GIMAP6: variants seen among roughly 807,000 people sequenced by gnomAD.
GIMAP6 encodes GTPase IMAP family member 6.
Under a neutral mutation model 9.3 loss-of-function variants are expected in GIMAP6, and 6 were observed. The ratio of observed to expected loss-of-function variants is 0.65; its 90% CI spans 0.35 to 1.27. The LOEUF (loss-of-function observed/expected upper bound fraction) is 1.27, where lower values mean the gene tolerates loss of function less well. Among genes scored for constraint, GIMAP6 ranks in the 50% most tolerant of loss-of-function variants. GIMAP6 has a pLI of 0.03. For synonymous variants in GIMAP6, 156 were observed against 151.1 expected (o/e 1.03, Z -0.24); for missense variants, 333 against 359.5 (o/e 0.93, Z 0.60).
chr7:150,630,096 T>C lies in GIMAP6; in HGVS notation c.47A>G (p.Glu16Gly). The change falls in exon 2 of 3, where the codon GAA (glutamate) becomes GGA (glycine). Residue 16 changes from glutamate (E) to glycine (G), a missense_variant. Transcript: ENST00000328902. Reference protein sequence around the residue: ...YEQIPQENPPEELSQDPVLEL... With the variant: ...YEQIPQENPPGELSQDPVLEL... ...CAGCACAGGATCCTGGGACAGCTCT[T>C]CTGGGGGATTCTCCTGGGGAATTTG... is the stretch of plus-strand genomic sequence containing the variant. 1 of 1,584,164 alleles carries C rather than the reference T, an allele frequency of 6.3e-7. No homozygotes were observed. Among genetic ancestry groups the C allele is most frequent in the Non-Finnish European group, 8.5e-7 (1 of 1,170,020 alleles).
rs755951622 is a variant in GIMAP6, at chr7:150,628,025, G to A, written c.573C>T (p.Thr191=). 1.5e-5 allele frequency: 24 copies of A among 1,614,126 alleles called. No individual in the cohort carries two copies. The South Asian group carries it at 2.5e-4, about 17-fold the overall frequency. ...TGAAGCCGCAATGGCGCCGTGCAAG[G>A]GTCACATCCAGCCAGGCAAGGGCCT... ...NNQALAWLDV[T]LARRHCGFNN... Residue 191 remains threonine, a synonymous_variant, in exon 3 of 3, where the codon ACC becomes ACT. Coordinates refer to ENST00000328902, the MANE Select transcript of GIMAP6 (RefSeq NM_024711.6).
At chr7:150,630,761 T>C (rs1176595997) in intron 1 of GIMAP6, among the ~76,000 whole-genome samples, 3 of 152,228 alleles carry the variant, frequency 2.0e-5, no homozygotes, top group Non-Finnish European at 4.4e-5. Flanking sequence ...GTTAGCTCTG[T>C]CTGGGCCTCA....
At chr7:150,628,769 A>G in intron 2 of GIMAP6, 1 of 1,431,832 alleles carries the variant, frequency 7.0e-7, no homozygotes, top group Non-Finnish European at 9.1e-7. Flanking sequence ...AAGAAACCCA[A>G]TACCAAGGTT....
In GIMAP6 at chr7:150,625,618, A is replaced by C. The variant is rs904952289; in HGVS notation, c.*2101T>G. On this transcript the variant is annotated 3_prime_UTR_variant, in exon 3 of 3. Transcript: ENST00000328902. ...TTCAAGTCTGTTCACTTAGAAATAA[A>C]ATGGCCTTAATTAACTTATACTTGA... 4 of 152,214 alleles carry C rather than the reference A, an allele frequency of 2.6e-5. No homozygotes were observed. The highest frequency in any genetic ancestry group is 9.6e-5 in the African/African-American group (4 of 41,454). 9.4% of individuals were successfully genotyped at this position (152,214 alleles called of 1,614,324 possible).
chr7:150,627,888 T>C lies in GIMAP6; in HGVS notation c.710A>G (p.Gln237Arg), dbSNP rs11977216. The change falls in exon 3 of 3, where the codon CAA becomes CGA. Residue 237 changes from glutamine to arginine, a missense_variant. Gln to Arg is a conservative substitution (Grantham distance 43, BLOSUM62 1). Coordinates refer to ENST00000328902, the MANE Select transcript of GIMAP6 (RefSeq NM_024711.6). ...EGDYYSNKAY[Q>R]YTQQNFRLKE... ...CAGCCGAAAGTTTTGCTGGGTATAT[T>C]GGTAAGCCTTGTTGCTGTAATAATC... 5.8e-3 allele frequency: 9,418 copies of C among 1,614,240 alleles called. 506 individuals are homozygous for C. In the African/African-American group the frequency reaches 0.11, roughly 19 times the overall value.
rs1796328131 is a variant in GIMAP6 at position 150,628,105 on chromosome 7, T to G, written c.493A>C (p.Lys165Gln). 6.2e-7 allele frequency: 1 copy of G among 1,614,178 alleles called. No individual in the cohort carries two copies. The highest frequency in any genetic ancestry group is 8.5e-7 in the Non-Finnish European group (1 of 1,180,038). ...LGHTILVFTR[K>Q]EDLAGGSLED... is the part of the protein sequence containing the mutation. ...AGGGAGCCGCCAGCCAGGTCTTCCT[T>G]CCGGGTGAACACCAGGATGGTGTGA... Residue 165 changes from lysine to glutamine, a missense_variant, in exon 3 of 3, where the codon AAG becomes CAG. Transcript: ENST00000328902.
At chr7:150,629,949 G>A (rs186727372) in intron 2 of GIMAP6, 109 bp downstream of exon 2, 8 of 772,736 alleles carry the variant, frequency 1.0e-5, no homozygotes, top group South Asian at 1.7e-5. Context: ...GTAAATTTCT[G>A]TGACTGGGGG....
chr7:150,630,021 T>A lies in GIMAP6; in HGVS notation c.85+37A>T, dbSNP rs1481011378. 2.2e-6 allele frequency: 3 copies of A among 1,386,882 alleles called. No individual in the cohort carries two copies. In the Admixed American group the frequency reaches 5.4e-5, roughly 25 times the overall value. The allele number at this position is 1,386,882 out of a possible 1,614,324, so 85.9% of individuals were successfully genotyped here. A position where few individuals can be genotyped will look rare whatever the true frequency, so the allele number is the denominator to read the frequency against. Reference sequence around the variant, plus strand: ...AGCTGTGTCCCACCTGCACCCCAAATGTTTCCCACTTGCTCCCCTCTCCTC... The same window carrying A: ...AGCTGTGTCCCACCTGCACCCCAAAAGTTTCCCACTTGCTCCCCTCTCCTC... On this transcript the variant is annotated intron_variant, in intron 2 of 2. Transcript: ENST00000328902.
Position 150,627,835 on chromosome 7 carries a change from G to A in GIMAP6, c.763C>T (p.Gln255Ter). 6.2e-7 allele frequency: 1 copy of A among 1,614,228 alleles called. No individual in the cohort carries two copies. Residue 255 changes from glutamine to a stop codon, truncating the protein, a stop_gained, in exon 3 of 3, where the codon CAG becomes TAG. Transcript: ENST00000328902. LOFTEE classifies it low-confidence loss of function (END_TRUNC). ...LKELQERQVS[Q>*]GQGSEDVPGE... ...GGCACGTCCTCAGAGCCTTGGCCCTGGCTTACTTGCCTTTCCTGTAGTTCT... is the reference window on the plus strand; with the variant it reads ...GGCACGTCCTCAGAGCCTTGGCCCTAGCTTACTTGCCTTTCCTGTAGTTCT...
At position 150,628,412 on chromosome 7, in the gene GIMAP6, G is replaced by A; in HGVS notation, c.186C>T (p.Gly62=). 1 of 1,614,174 alleles carries A rather than the reference G, an allele frequency of 6.2e-7. No homozygotes were observed. The highest frequency in any genetic ancestry group is 8.5e-7 in the Non-Finnish European group (1 of 1,180,020). ...GKSATGNSIL[G]RDVFESKLST... is the part of the protein sequence containing the mutation. ...TGAGTTTAGACTCGAAGACGTCCCT[G>A]CCGAGGATGCTGTTTCCTGTTGCAC... The change falls in exon 3 of 3, where the codon GGC becomes GGT. Residue 62 remains glycine (G), a synonymous_variant. Transcript: ENST00000328902.
At position 150,628,444 on chromosome 7, in the gene GIMAP6, C is replaced by A; in HGVS notation, c.154G>T (p.Gly52Trp). The A allele has an allele frequency of 6.2e-7, 1 of 1,614,200 alleles. No individual in the cohort carries two copies. Among genetic ancestry groups the A allele is most frequent in the Non-Finnish European group, 8.5e-7 (1 of 1,180,026 alleles). Reference sequence around the variant, plus strand: ...ATGCTGTTTCCTGTTGCACTCTTCCCACTCCCTGTTTTCCCCATGAGAATG... The same window carrying A: ...ATGCTGTTTCCTGTTGCACTCTTCCAACTCCCTGTTTTCCCCATGAGAATG... ...RLILMGKTGS[G>W]KSATGNSILG... The change falls in exon 3 of 3, where the codon GGG becomes TGG. Residue 52 changes from glycine to tryptophan, a missense_variant. Physicochemically the swap from Gly to Trp is radical, Grantham distance 184. Transcript: ENST00000328902.
chr7:150,630,484 G>GGGAGGTGGAGGAAGGGAAGAAGGA (rs1179389197), intron 1 of GIMAP6, among the ~76,000 whole-genome samples: 1 of 152,172 alleles, frequency 6.6e-6, no homozygotes, highest in Non-Finnish European at 1.5e-5. Flanking sequence ...GGGAGGTGGG[G>GGGAGGTGGAGGAAGGGAAGAAGGA]GGAGGTGGAG....
chr7:150,627,726 T>C lies in GIMAP6; in HGVS notation c.872A>G (p.Asp291Gly). 6.2e-7 allele frequency: 1 copy of C among 1,613,144 alleles called. No individual in the cohort carries two copies. Among genetic ancestry groups the C allele is most frequent in the Non-Finnish European group, 8.5e-7 (1 of 1,179,488 alleles). ...EAHRCLLGKA[D>G]L is the part of the protein sequence containing the mutation. ...CTCAAGTCCAGCACAGGCTCAAAGG[T>C]CAGCCTTCCCCAGCAGGCATCTGTG... Residue 291 changes from aspartate (D) to glycine (G), a missense_variant, in exon 3 of 3, where the codon GAC becomes GGC. Asp to Gly is a moderately conservative substitution (Grantham distance 94, BLOSUM62 -1). Transcript: ENST00000328902.
chr7:150,631,545 C>T (rs567700746), intron 1 of GIMAP6, among the ~76,000 whole-genome samples: 18 of 152,314 alleles, frequency 1.2e-4, no homozygotes, highest in African/African-American at 2.2e-4. Flanking sequence ...TTAGAGAGAA[C>T]GGGCAGGCAG....
chr7:150,630,691 G>A (rs921539066), intron 1 of GIMAP6, among the ~76,000 whole-genome samples: 3 of 152,194 alleles, frequency 2.0e-5, no homozygotes, highest in African/African-American at 7.2e-5. Flanking sequence ...ACAGAGGACT[G>A]GGATTGCAGG....
Position 150,627,182 on chromosome 7 carries a change from C to T in GIMAP6, c.*537G>A. 1 of 164,424 alleles carries T rather than the reference C, an allele frequency of 6.1e-6. No homozygotes were observed. Among genetic ancestry groups the T allele is most frequent in the South Asian group, 1.7e-4 (1 of 5,880 alleles). 10.2% of individuals were successfully genotyped at this position (164,424 alleles called of 1,614,324 possible). A position where few individuals can be genotyped will look rare whatever the true frequency, so the allele number is the denominator to read the frequency against. On this transcript the variant is annotated 3_prime_UTR_variant, in exon 3 of 3. Transcript: ENST00000328902. ...CTCCCAGCCCAGTCTCCAACCCTCC[C>T]CACCCAGTCTCCAACCCTCCCCATG...
At position 150,627,004 on chromosome 7, in the gene GIMAP6, C is replaced by A. The variant is rs1401645548; in HGVS notation, c.*715G>T. 6.6e-6 allele frequency: 1 copy of A among 152,632 alleles called. No individual in the cohort carries two copies. Among genetic ancestry groups the A allele is most frequent in the African/African-American group, 2.4e-5 (1 of 41,456 alleles). The allele number at this position is 152,632 out of a possible 1,614,324, so 9.5% of individuals were successfully genotyped here. On this transcript the variant is annotated 3_prime_UTR_variant, in exon 3 of 3. Coordinates refer to ENST00000328902, the MANE Select transcript of GIMAP6 (RefSeq NM_024711.6). ...GTTCTGTAGCCAGGGCAAGGGACCA[C>A]CTACTTGACCACAGTCTGACTTCTT...
At chr7:150,629,068 C>T (rs1032328111) in intron 2 of GIMAP6, among the ~76,000 whole-genome samples, 2 of 152,180 alleles carry the variant, frequency 1.3e-5, no homozygotes, top group Non-Finnish European at 2.9e-5. Context: ...ATTGGGCCCC[C>T]TCCAGCTTCC....
At position 150,625,961 on chromosome 7, in the gene GIMAP6, G is replaced by A. The variant is rs1170360432; in HGVS notation, c.*1758C>T. On this transcript the variant is annotated 3_prime_UTR_variant, in exon 3 of 3. Coordinates refer to ENST00000328902, the MANE Select transcript of GIMAP6 (RefSeq NM_024711.6). Reference sequence around the variant, plus strand: ...ATGTATGATAAATGTTGCATGTTCAGTTCAATGGGAAATTGATCGCTTATT... The same window carrying A: ...ATGTATGATAAATGTTGCATGTTCAATTCAATGGGAAATTGATCGCTTATT... 6.6e-6 allele frequency: 1 copy of A among 152,246 alleles called. No individual in the cohort carries two copies. The highest frequency in any genetic ancestry group is 6.5e-5 in the Admixed American group (1 of 15,286). The allele number at this position is 152,246 out of a possible 1,614,324, so 9.4% of individuals were successfully genotyped here.
Sources: gnomAD v4.1 joint callset for allele counts (sites outside exome capture counted in the v4.1 genomes callset) on GRCh38, gnomAD v4.1.1 for gene constraint, MANE v1.5 for transcripts, NCBI Gene and HGNC (gene_info 2026-07-23, HGNC 2026-07-21) for gene names.